DNAH5: variants seen among roughly 807,000 people sequenced by gnomAD.
The protein encoded by DNAH5 is dynein axonemal heavy chain 5, also known as axonemal beta dynein heavy chain 5.
A neutral mutation model predicts 518.2 loss-of-function variants in DNAH5; 372 were observed. The observed-to-expected ratio is 0.72, with a 90% CI of 0.66 to 0.78. The LOEUF (loss-of-function observed/expected upper bound fraction) is 0.78. Ranked by LOEUF, DNAH5 falls within the 30% of genes least tolerant of loss-of-function variation. The probability of loss-of-function intolerance (pLI) is 0.00; values close to 1 mark genes in which losing one functional copy is unlikely to be tolerated. For synonymous variants in DNAH5, 2,039 were observed against 2,025.9 expected, an observed-to-expected ratio of 1.01 and a Z score of -0.17; for missense variants, 5,523 against 5,687.0, an observed-to-expected ratio of 0.97 and a Z score of 0.93.
chr5:13,799,047 T>C (rs1758307493), intron 47 of DNAH5, among the ~76,000 whole-genome samples: 1 of 152,256 alleles, frequency 6.6e-6, no homozygotes, highest in East Asian at 1.9e-4. Flanking sequence ...ATTACAGGCA[T>C]GAGCCACTGT....
At chr5:13,861,237 G>C (rs1274011943) in intron 29 of DNAH5, among the ~76,000 whole-genome samples, 3 of 152,026 alleles carry the variant, frequency 2.0e-5, no homozygotes, top group African/African-American at 7.2e-5. Context: ...CTTTATTCTG[G>C]TTTGGTATGA....
Position 13,820,841 on chromosome 5 carries a change from A to AG in DNAH5, c.6688-343_6688-342insC, listed in dbSNP as rs1762141689. On this transcript the variant is annotated intron_variant, in intron 40 of 78. Transcript: ENST00000265104. The stretch of plus-strand genomic sequence containing the variant: ...CTCCGTCTCAAAAAAAAAAAAAAAA[A>AG]AAACACATCAATGACAATCTCAATT... 4.4e-5 allele frequency among the ~76,000 whole-genome samples: 6 copies of AG among 137,584 alleles called. 1 individual carries two copies. The highest frequency in any genetic ancestry group is 6.1e-5 in the Non-Finnish European group (4 of 65,100). 90.3% of individuals were successfully genotyped at this position (137,584 alleles called of 152,430 possible).
At chr5:13,923,769 T>G (rs549795928) in intron 3 of DNAH5, among the ~76,000 whole-genome samples, 25 of 152,098 alleles carry the variant, frequency 1.6e-4, no homozygotes, top group Non-Finnish European at 2.8e-4. Context: ...CCCGGCTGGG[T>G]GCGGTGGCTC....
chr5:13,960,337 G>C (rs1561008832), intron 1 of DNAH5, among the ~76,000 whole-genome samples: 1 of 152,190 alleles, frequency 6.6e-6, no homozygotes, highest in Non-Finnish European at 1.5e-5. Context: ...ACTAGGCACT[G>C]ATGGGCTCAC....
intron 1 of DNAH5, among the ~76,000 whole-genome samples, chr5:13,962,837 A>G (rs1460230162): frequency 1.3e-5 from 2 of 152,190 alleles, no homozygotes; most frequent in African/African-American, 4.8e-5. Flanking sequence ...AAATTTGGTC[A>G]GGGAAGGGAG....
intron 6 of DNAH5, among the ~76,000 whole-genome samples, chr5:13,919,921 C>G (rs1777075854): frequency 6.6e-6 from 1 of 152,194 alleles, no homozygotes; most frequent in Non-Finnish European, 1.5e-5. Context: ...ACCCAATCTG[C>G]AATCAAAAAC....
intron 47 of DNAH5, among the ~76,000 whole-genome samples, chr5:13,806,525 C>T (rs1178153510): frequency 6.6e-6 from 1 of 152,194 alleles, no homozygotes; most frequent in Non-Finnish European, 1.5e-5. Flanking sequence ...TTCATTCCAA[C>T]AGCTAAAGAA....
chr5:13,908,736 A>G (rs757831305), intron 12 of DNAH5, among the ~76,000 whole-genome samples: 8 of 152,042 alleles, frequency 5.3e-5, no homozygotes, highest in Non-Finnish European at 7.4e-5. Flanking sequence ...GCCCTCTTTG[A>G]CCTGTTAGTA....
intron 1 of DNAH5, among the ~76,000 whole-genome samples, chr5:13,965,042 A>T (rs1395025223): frequency 6.6e-6 from 1 of 152,084 alleles, no homozygotes; most frequent in Non-Finnish European, 1.5e-5. Flanking sequence ...TTGGTTAGTA[A>T]TTACTCCTTC....
intron 1 of DNAH5, among the ~76,000 whole-genome samples, chr5:13,967,275 T>C (rs1316454316): frequency 2.6e-5 from 4 of 152,236 alleles, no homozygotes; most frequent in African/African-American, 9.6e-5. Flanking sequence ...GAAGGGTTTT[T>C]CCAATGTTAT....
At chr5:13,770,664 A>C in intron 56 of DNAH5, 85 bp downstream of exon 56, 1 of 1,224,456 alleles carries the variant, frequency 8.2e-7, no homozygotes, top group East Asian at 2.4e-5. Context: ...GTCTCCGGTC[A>C]TTGCAAAATA....
chr5:13,881,613 T>A (rs1301558550), intron 21 of DNAH5, among the ~76,000 whole-genome samples: 1 of 151,926 alleles, frequency 6.6e-6, no homozygotes, highest in African/African-American at 2.4e-5. Context: ...GATGACAAAT[T>A]TCAAAATATC....
chr5:13,922,525 GA>G (rs1777423307), intron 4 of DNAH5, among the ~76,000 whole-genome samples, 197 bp from the exon 5 acceptor site: 1 of 151,644 alleles, frequency 6.6e-6, no homozygotes, highest in Non-Finnish European at 1.5e-5. Flanking sequence ...TCAGGTGTTC[GA>G]GACCAGCCTG....
At chr5:13,729,242 T>C (rs1440338015) in intron 69 of DNAH5, among the ~76,000 whole-genome samples, 197 bp downstream of exon 69, 1 of 152,208 alleles carries the variant, frequency 6.6e-6, no homozygotes, top group Non-Finnish European at 1.5e-5. Flanking sequence ...CATTTCTACC[T>C]GCAAGATCAG....
intron 78 of DNAH5, among the ~76,000 whole-genome samples, chr5:13,698,796 C>G (rs1301623870): frequency 6.6e-6 from 1 of 152,236 alleles, no homozygotes; most frequent in Non-Finnish European, 1.5e-5. Flanking sequence ...ACAGCCTCAC[C>G]TTGTTTGGCC....
chr5:13,703,880 C>G (rs1186241720), intron 76 of DNAH5, among the ~76,000 whole-genome samples: 1 of 152,158 alleles, frequency 6.6e-6, no homozygotes, highest in Admixed American at 6.5e-5. Context: ...GTCCAAGGCT[C>G]TAGTTCTGAT....
At chr5:13,754,370 TA>T in intron 61 of DNAH5, 32 bp from the exon 62 acceptor site, 1 of 1,613,812 alleles carries the variant, frequency 6.2e-7, no homozygotes, top group Non-Finnish European at 8.5e-7. Context: ...AGAAAGCTTT[TA>T]CTGAAATAAA....
chr5:13,938,293 A>G (rs1462048401), intron 1 of DNAH5, among the ~76,000 whole-genome samples: 1 of 152,106 alleles, frequency 6.6e-6, no homozygotes, highest in Non-Finnish European at 1.5e-5. Context: ...GTCAAACACT[A>G]TATCACAATG....
Position 13,753,409 on chromosome 5 carries a change from T to G in DNAH5, c.10696A>C (p.Met3566Leu). 1.2e-6 allele frequency: 2 copies of G among 1,614,068 alleles called. No homozygotes were observed. Among genetic ancestry groups the G allele is most frequent in the Non-Finnish European group, 1.7e-6 (2 of 1,179,958 alleles). Residue 3566 changes from methionine (M) to leucine (L), a missense_variant, in exon 63 of 79, where the codon ATG becomes CTG. Coordinates refer to ENST00000265104, the MANE Select transcript of DNAH5 (RefSeq NM_001369.3). ...CTAATAGTAGGAGCATCAATCAACA[T>G]CTCACTGAGATTTAGGTTCTTTCCA... ...PFGKNLNLSEMLIDAPTISEW... is the reference protein window; with the variant it reads ...PFGKNLNLSELLIDAPTISEW...
Sources: gnomAD v4.1 joint callset for allele counts (sites outside exome capture counted in the v4.1 genomes callset) on GRCh38, gnomAD v4.1.1 for gene constraint, MANE v1.5 for transcripts, NCBI Gene and HGNC (gene_info 2026-07-23, HGNC 2026-07-21) for gene names.